The following CADPS2 variants were observed in gnomAD, a reference collection of about 807,000 sequenced individuals.
CADPS2 encodes the protein calcium-dependent secretion activator 2.
In CADPS2, 93 loss-of-function variants were observed where a neutral mutation model predicts 172.5. The ratio of observed to expected loss-of-function variants is 0.54; its 90% confidence interval spans 0.46 to 0.64. CADPS2 has a LOEUF of 0.64. Ranked by LOEUF, CADPS2 falls within the 30% of genes least tolerant of loss-of-function variation. The pLI, the probability that CADPS2 is intolerant of heterozygous loss-of-function variation, is 0.00. For missense variants in CADPS2, 1,420 were observed against 1,565.9 expected (o/e 0.91, Z 1.57); for synonymous variants, 546 against 555.2 (o/e 0.98, Z 0.23).
chr7:122,399,636 G>T (rs1398263423), intron 20 of CADPS2, among the ~76,000 whole-genome samples: 1 of 133,798 alleles, frequency 7.5e-6, no homozygotes, highest in African/African-American at 2.8e-5. Context: ...TATCATGATC[G>T]ATAACTCTCT....
chr7:122,735,087 G>C (rs1371941998), intron 2 of CADPS2, among the ~76,000 whole-genome samples: 1 of 152,126 alleles, frequency 6.6e-6, no homozygotes, highest in Non-Finnish European at 1.5e-5. Flanking sequence ...GATTCAGAAA[G>C]TCTGAGACAG....
chr7:122,834,473 G>A (rs960835203), intron 1 of CADPS2, among the ~76,000 whole-genome samples: 16 of 152,114 alleles, frequency 1.1e-4, no homozygotes, highest in African/African-American at 3.6e-4. Flanking sequence ...AGCGAGATCC[G>A]AAGCAGGGTG....
At chr7:122,522,495 A>C (rs748080017) in intron 8 of CADPS2, among the ~76,000 whole-genome samples, 2 of 152,166 alleles carry the variant, frequency 1.3e-5, no homozygotes, top group Non-Finnish European at 2.9e-5. Context: ...ACATGCATAA[A>C]ATGTGTAATG....
intron 7 of CADPS2, among the ~76,000 whole-genome samples, chr7:122,580,134 AGT>A (rs1244481842): frequency 6.6e-6 from 1 of 152,200 alleles, no homozygotes; most frequent in East Asian, 1.9e-4. Flanking sequence ...CTCTGAATAC[AGT>A]CTTCAGGTCT....
intron 3 of CADPS2, among the ~76,000 whole-genome samples, chr7:122,640,165 C>T (rs748227485): frequency 2.6e-5 from 4 of 152,100 alleles, no homozygotes; most frequent in Non-Finnish European, 4.4e-5. Context: ...CCTCACAGTC[C>T]ACATCCAATC....
intron 25 of CADPS2, among the ~76,000 whole-genome samples, chr7:122,374,708 T>C (rs1422961109): frequency 2.0e-5 from 3 of 151,940 alleles, no homozygotes; most frequent in Non-Finnish European, 4.4e-5. Flanking sequence ...GAACATCATA[T>C]ACTGGGGCCT....
chr7:122,501,572 A>C (rs1407155072), intron 9 of CADPS2, among the ~76,000 whole-genome samples: 1 of 152,010 alleles, frequency 6.6e-6, no homozygotes, highest in African/African-American at 2.4e-5. Flanking sequence ...CACCTTGGCC[A>C]GGCATGGTGG....
intron 8 of CADPS2, among the ~76,000 whole-genome samples, chr7:122,521,473 G>A (rs1007083584): frequency 8.2e-5 from 12 of 146,872 alleles, no homozygotes; most frequent in South Asian, 2.2e-4. Context: ...ACTTTTTTGC[G>A]GGGGGGTGAG....
At chr7:122,757,054 C>A (rs1357854105) in intron 1 of CADPS2, among the ~76,000 whole-genome samples, 1 of 151,306 alleles carries the variant, frequency 6.6e-6, no homozygotes, top group African/African-American at 2.5e-5. Context: ...CCTGAGCAGA[C>A]CTGTATATTA....
At chr7:122,597,407 G>GT (rs1312403141) in intron 6 of CADPS2, among the ~76,000 whole-genome samples, 1 of 152,066 alleles carries the variant, frequency 6.6e-6, no homozygotes, top group Non-Finnish European at 1.5e-5. Context: ...GAATGTATGT[G>GT]TCCCCCTACA....
intron 2 of CADPS2, among the ~76,000 whole-genome samples, chr7:122,731,879 C>A (rs898447551): frequency 6.6e-6 from 1 of 151,742 alleles, no homozygotes; most frequent in African/African-American, 2.4e-5. Flanking sequence ...ATATTTGGGT[C>A]AATTTTTAAT....
At chr7:122,699,442 T>TA (rs1005448972) in intron 2 of CADPS2, among the ~76,000 whole-genome samples, 9 of 151,762 alleles carry the variant, frequency 5.9e-5, no homozygotes, top group East Asian at 1.9e-4. Flanking sequence ...AATGGCAAGC[T>TA]AAAAAAAAGG....
intron 28 of CADPS2, among the ~76,000 whole-genome samples, chr7:122,337,843 A>G (rs935669452): frequency 6.6e-6 from 1 of 151,280 alleles, no homozygotes; most frequent in African/African-American, 2.4e-5. Flanking sequence ...CTTGACTATG[A>G]CTATCTTAAA....
At chr7:122,552,775 GTTTTTTTTTT>G (rs61517518) in intron 8 of CADPS2, among the ~76,000 whole-genome samples, 1 of 137,096 alleles carries the variant, frequency 7.3e-6, no homozygotes, top group Non-Finnish European at 1.6e-5. Flanking sequence ...ATAGGTTCCT[GTTTTTTTTTT>G]TTTTTTTTAT....
At chr7:122,532,731 C>G (rs1303311906) in intron 8 of CADPS2, among the ~76,000 whole-genome samples, 1 of 152,052 alleles carries the variant, frequency 6.6e-6, no homozygotes, top group African/African-American at 2.4e-5. Flanking sequence ...TAAAAGCCAA[C>G]CATCTCTGTA....
intron 1 of CADPS2, among the ~76,000 whole-genome samples, 196 bp from the exon 2 acceptor site, chr7:122,737,264 T>A (rs1016029814): frequency 2.0e-5 from 3 of 152,152 alleles, no homozygotes; most frequent in East Asian, 3.9e-4. Flanking sequence ...AAGCTCTGTC[T>A]TCCAGGCTGG....
At chr7:122,585,644 T>A (rs996159391) in intron 6 of CADPS2, 1 of 151,996 alleles carries the variant, frequency 6.6e-6, no homozygotes, top group African/African-American at 2.4e-5. Flanking sequence ...TATCTTGCTG[T>A]CATTTTGTGT....
intron 2 of CADPS2, among the ~76,000 whole-genome samples, chr7:122,686,766 C>A (rs2083685656): frequency 6.6e-6 from 1 of 152,172 alleles, no homozygotes. Context: ...CTCACTGCAA[C>A]CTCCGCCTCC....
At chr7:122,600,372 A>G (rs949863146) in intron 6 of CADPS2, among the ~76,000 whole-genome samples, 2 of 152,106 alleles carry the variant, frequency 1.3e-5, no homozygotes, top group African/African-American at 4.8e-5. Context: ...GAAAAAACTG[A>G]GCCATGAAAC....
Sources: allele counts gnomAD v4.1 joint callset (sites outside exome capture counted in the v4.1 genomes callset), GRCh38; gene constraint gnomAD v4.1.1; transcripts MANE v1.5; gene names NCBI Gene and HGNC (gene_info 2026-07-23, HGNC 2026-07-21).